Variants in GRID2 observed in about 807,000 individuals in gnomAD.
The protein encoded by GRID2 is glutamate receptor ionotropic, delta-2.
A neutral mutation model predicts 114.8 loss-of-function variants in GRID2; 33 were observed. The ratio of observed to expected loss-of-function variants is 0.29; its 90% CI spans 0.22 to 0.38. The LOEUF (loss-of-function observed/expected upper bound fraction) is 0.38. GRID2 is among the 10% of genes least tolerant of loss of function. GRID2 has a pLI of 1.00. For missense variants in GRID2, 1,184 were observed against 1,257.7 expected (o/e 0.94, Z 0.89); for synonymous variants, 505 against 449.9 (o/e 1.12, Z -1.55).
At chr4:93,523,443 TAA>T (rs1259070305) in intron 13 of GRID2, among the ~76,000 whole-genome samples, 1 of 151,994 alleles carries the variant, frequency 6.6e-6, no homozygotes, top group East Asian at 1.9e-4. Flanking sequence ...CTGCTGATAA[TAA>T]AGTTTCATAG....
chr4:93,658,442 A>G (rs1972861), intron 14 of GRID2, among the ~76,000 whole-genome samples: 16,890 of 152,216 alleles, frequency 0.11, 1,009 homozygotes, highest in Middle Eastern at 0.14. Context: ...GCTATCACCA[A>G]GCACTATTCT....
Position 93,772,555 on chromosome 4 carries a change from C to A in GRID2, c.*57C>A. 8.3e-7 allele frequency: 1 copy of A among 1,207,102 alleles called. No homozygotes were observed. Among genetic ancestry groups the A allele is most frequent in the Non-Finnish European group, 1.2e-6 (1 of 851,160 alleles). 74.8% of individuals were successfully genotyped at this position (1,207,102 alleles called of 1,614,324 possible). ...TTAGGACTCCCTTTGCAAGGAGCAA[C>A]TGTAATATTGTGGGACTAACATGGA... On this transcript the variant is annotated 3_prime_UTR_variant, in exon 16 of 16. Coordinates refer to ENST00000282020, the MANE Select transcript of GRID2 (RefSeq NM_001510.4).
In GRID2 at chr4:92,643,773, AATTG is replaced by A. The variant is rs1425070667; in HGVS notation, c.244+53492_244+53495del. Among the ~76,000 whole-genome samples the A allele has an allele frequency of 2.6e-5, 4 of 151,616 alleles. No individual in the cohort carries two copies. The East Asian group carries it at 5.8e-4, about 22-fold the overall frequency. On this transcript the variant is annotated intron_variant, in intron 2 of 15. Transcript: ENST00000282020. Reference sequence around the variant, plus strand: ...CTGCACCTGGCCAAATTTAAAAAAAAATTGATTGTTTAACTGTCATACATGCCTT... The same window carrying A: ...CTGCACCTGGCCAAATTTAAAAAAAAATTGTTTAACTGTCATACATGCCTT...
intron 1 of GRID2, among the ~76,000 whole-genome samples, chr4:92,384,500 AT>A (rs1729788846): frequency 2.4e-5 from 1 of 41,640 alleles, no homozygotes; most frequent in African/African-American, 1.1e-4. Flanking sequence ...TAATAAAAAT[AT>A]ATATTATATA....
chr4:93,254,442 T>C (rs1749340427), intron 8 of GRID2, among the ~76,000 whole-genome samples: 2 of 152,140 alleles, frequency 1.3e-5, no homozygotes, highest in African/African-American at 4.8e-5. Context: ...AAACCACTTA[T>C]CCACTGAAAA....
At chr4:93,062,909 A>T (rs1231369426) in intron 2 of GRID2, among the ~76,000 whole-genome samples, 1 of 152,002 alleles carries the variant, frequency 6.6e-6, no homozygotes, top group African/African-American at 2.4e-5. Context: ...ACAATTTAAA[A>T]TTGCATATAT....
chr4:92,333,960 G>A (rs944511367), intron 1 of GRID2, among the ~76,000 whole-genome samples: 1 of 151,914 alleles, frequency 6.6e-6, no homozygotes, highest in Non-Finnish European at 1.5e-5. Flanking sequence ...CAATCTTCTG[G>A]GCCCTTGCAA....
At chr4:92,399,508 T>G (rs2110277507) in intron 1 of GRID2, among the ~76,000 whole-genome samples, 1 of 152,298 alleles carries the variant, frequency 6.6e-6, no homozygotes, top group East Asian at 1.9e-4. Context: ...TTATACTGTA[T>G]TCTTATTCGC....
At position 92,467,856 on chromosome 4, in the gene GRID2, A is replaced by G. The variant is rs187297381; in HGVS notation, c.89-122275A>G. On this transcript the variant is annotated intron_variant, in intron 1 of 15. Transcript: ENST00000282020. ...GCTAGGCTTAAAATTGACCCCAAAA[A>G]CTTATCTGAACAAATGAAATCTTAG... is the stretch of plus-strand genomic sequence containing the variant. Among the ~76,000 whole-genome samples the G allele has an allele frequency of 2.6e-5, 4 of 152,130 alleles. No individual in the cohort carries two copies. In the East Asian group the frequency reaches 5.8e-4, roughly 22 times the overall value.
chr4:92,308,021 A>T (rs536077502), intron 1 of GRID2, among the ~76,000 whole-genome samples: 1 of 152,300 alleles, frequency 6.6e-6, no homozygotes, highest in South Asian at 2.1e-4. Context: ...ACTGTGTTTT[A>T]TGAGGCTATT....
At chr4:93,387,348 C>T (rs1234191373) in intron 8 of GRID2, among the ~76,000 whole-genome samples, 1 of 152,092 alleles carries the variant, frequency 6.6e-6, no homozygotes, top group Non-Finnish European at 1.5e-5. Context: ...TATCATTATT[C>T]CTCATACTGA....
intron 13 of GRID2, among the ~76,000 whole-genome samples, chr4:93,590,977 G>C (rs950933813): frequency 3.4e-4 from 52 of 151,668 alleles, no homozygotes; most frequent in African/African-American, 1.2e-3. Context: ...GGGTTTTCTA[G>C]ATATACAATC....
chr4:92,714,384 CT>C (rs1735427334), intron 2 of GRID2, among the ~76,000 whole-genome samples: 1 of 152,178 alleles, frequency 6.6e-6, no homozygotes, highest in Non-Finnish European at 1.5e-5. Flanking sequence ...GTGACTGCAG[CT>C]TTTCCAGGCA....
At chr4:92,689,226 T>G (rs1734064236) in intron 2 of GRID2, among the ~76,000 whole-genome samples, 1 of 152,210 alleles carries the variant, frequency 6.6e-6, no homozygotes, top group African/African-American at 2.4e-5. Flanking sequence ...GTAAATGAGC[T>G]TTGACACCAA....
At chr4:92,740,064 G>A (rs1243004038) in intron 2 of GRID2, among the ~76,000 whole-genome samples, 1 of 152,046 alleles carries the variant, frequency 6.6e-6, no homozygotes, top group Admixed American at 6.6e-5. Context: ...TTTCAACTCA[G>A]TTTCAATAGC....
intron 4 of GRID2, among the ~76,000 whole-genome samples, chr4:93,182,995 G>A (rs931338296): frequency 1.1e-4 from 17 of 152,200 alleles, no homozygotes; most frequent in African/African-American, 4.1e-4. Flanking sequence ...TATAAAGTTT[G>A]AGAAAGACTA....
At chr4:93,514,371 A>G (rs1729482969) in intron 12 of GRID2, among the ~76,000 whole-genome samples, 1 of 151,560 alleles carries the variant, frequency 6.6e-6, no homozygotes, top group Non-Finnish European at 1.5e-5. Flanking sequence ...CTTTCCAGAA[A>G]CATGAAATGT....
intron 2 of GRID2, among the ~76,000 whole-genome samples, chr4:93,002,622 G>A (rs1277103668): frequency 6.6e-6 from 1 of 151,510 alleles, no homozygotes; most frequent in Non-Finnish European, 1.5e-5. Context: ...TTTCTGCTTT[G>A]TTTTCTATTT....
chr4:93,450,519 T>A (rs1001219035), intron 10 of GRID2, among the ~76,000 whole-genome samples: 1 of 151,778 alleles, frequency 6.6e-6, no homozygotes, highest in African/African-American at 2.4e-5. Flanking sequence ...GATCTTTAGT[T>A]GTTACATATA....
Sources: gnomAD v4.1 joint callset for allele counts (sites outside exome capture counted in the v4.1 genomes callset) on GRCh38, gnomAD v4.1.1 for gene constraint, MANE v1.5 for transcripts, NCBI Gene and HGNC (gene_info 2026-07-23, HGNC 2026-07-21) for gene names.